ROBO2: variants seen among roughly 807,000 people sequenced by gnomAD.
ROBO2 encodes roundabout guidance receptor 2.
In ROBO2, 53 loss-of-function variants were observed where a neutral mutation model predicts 160.8. The observed-to-expected ratio is 0.33, with a 90% CI of 0.26 to 0.41. The LOEUF is 0.41. Ranked by LOEUF, ROBO2 falls within the 10% of genes least tolerant of loss-of-function variation. The pLI, the probability that ROBO2 is intolerant of heterozygous loss-of-function variation, is 1.00. For missense variants in ROBO2, 1,577 were observed against 1,722.4 expected, an observed-to-expected ratio of 0.92 and a Z score of 1.49; for synonymous variants, 664 against 611.7, an observed-to-expected ratio of 1.09 and a Z score of -1.26.
intron 2 of ROBO2, among the ~76,000 whole-genome samples, chr3:77,379,645 C>A (rs1014196639): frequency 6.6e-6 from 1 of 152,106 alleles, no homozygotes; most frequent in African/African-American, 2.4e-5. Flanking sequence ...GACGTTTATC[C>A]TTTGTCCCCA....
intron 2 of ROBO2, among the ~76,000 whole-genome samples, chr3:76,167,400 C>A (rs17787889): frequency 6.6e-6 from 1 of 152,152 alleles, no homozygotes; most frequent in African/African-American, 2.4e-5. Flanking sequence ...AGAAGAGGAA[C>A]CAGCCGTTCT....
At chr3:76,536,879 A>G (rs1378750059) in intron 2 of ROBO2, among the ~76,000 whole-genome samples, 2 of 152,136 alleles carry the variant, frequency 1.3e-5, no homozygotes, top group African/African-American at 4.8e-5. Flanking sequence ...TCTGATAGAG[A>G]CAAAGGTACA....
chr3:77,196,136 C>T (rs866683809), intron 2 of ROBO2, among the ~76,000 whole-genome samples: 5 of 152,300 alleles, frequency 3.3e-5, no homozygotes, highest in Middle Eastern at 6.8e-3. Context: ...CAGCAGTAGA[C>T]AGCTAATAGG....
chr3:77,441,786 T>C, intron 2 of ROBO2, among the ~76,000 whole-genome samples: 1 of 152,158 alleles, frequency 6.6e-6, no homozygotes, highest in Non-Finnish European at 1.5e-5. Context: ...TTTGGTGAAT[T>C]AGCTTAAAAT....
intron 2 of ROBO2, among the ~76,000 whole-genome samples, chr3:75,972,873 T>G (rs1465962115): frequency 1.1e-4 from 17 of 151,630 alleles, no homozygotes; most frequent in African/African-American, 7.3e-5. Context: ...GGTAGCCCGT[T>G]AAGTGTGGCT....
intron 2 of ROBO2, among the ~76,000 whole-genome samples, chr3:76,523,818 G>A (rs971069754): frequency 6.6e-6 from 1 of 152,128 alleles, no homozygotes; most frequent in Non-Finnish European, 1.5e-5. Context: ...GGAAGAGGCT[G>A]AAAATATAAG....
chr3:75,950,487 G>A (rs1948492244), intron 2 of ROBO2, among the ~76,000 whole-genome samples: 1 of 152,074 alleles, frequency 6.6e-6, no homozygotes, highest in African/African-American at 2.4e-5. Context: ...TTCTAGGCAG[G>A]CGAAGAGTAT....
At chr3:76,216,908 A>C (rs1703576477) in intron 2 of ROBO2, among the ~76,000 whole-genome samples, 1 of 152,182 alleles carries the variant, frequency 6.6e-6, no homozygotes, top group Non-Finnish European at 1.5e-5. Flanking sequence ...ACATAGTTGG[A>C]AGTAAAGCTC....
intron 2 of ROBO2, among the ~76,000 whole-genome samples, chr3:76,435,594 T>C (rs957917219): frequency 6.6e-6 from 1 of 152,062 alleles, no homozygotes. Flanking sequence ...GGCTGAAATT[T>C]GGGGTGGGAT....
chr3:76,742,141 T>A (rs1472356070), intron 2 of ROBO2, among the ~76,000 whole-genome samples: 2 of 152,096 alleles, frequency 1.3e-5, no homozygotes, highest in Admixed American at 1.3e-4. Flanking sequence ...TTCCTGACAA[T>A]GATCAAACAA....
chr3:77,462,259 A>G (rs1159317014), intron 2 of ROBO2, among the ~76,000 whole-genome samples: 1 of 152,190 alleles, frequency 6.6e-6, no homozygotes, highest in Non-Finnish European at 1.5e-5. Context: ...CCTAAGTCTC[A>G]AATCAAAAGG....
chr3:77,157,927 A>G (rs1028091897), intron 2 of ROBO2, among the ~76,000 whole-genome samples: 1 of 152,062 alleles, frequency 6.6e-6, no homozygotes, highest in African/African-American at 2.4e-5. Flanking sequence ...TACGGCCCTG[A>G]TTGTCCCTTC....
chr3:76,899,533 TTTC>T (rs1169475423), intron 2 of ROBO2, among the ~76,000 whole-genome samples: 2 of 152,220 alleles, frequency 1.3e-5, no homozygotes, highest in Non-Finnish European at 2.9e-5. Flanking sequence ...TTTTATTCAA[TTTC>T]TTCAATAGCC....
chr3:77,211,192 T>G (rs566452857), intron 2 of ROBO2, among the ~76,000 whole-genome samples: 32 of 152,334 alleles, frequency 2.1e-4, no homozygotes, highest in Middle Eastern at 3.4e-3. Context: ...TGAACTAGTT[T>G]ACAGTCCCAC....
intron 2 of ROBO2, among the ~76,000 whole-genome samples, chr3:76,798,000 C>A (rs1172057485): frequency 6.6e-6 from 1 of 151,102 alleles, no homozygotes; most frequent in African/African-American, 2.4e-5. Flanking sequence ...ATACCAAATC[C>A]TACCCAAATT....
chr3:77,324,681 C>G (rs2065180453), intron 2 of ROBO2, among the ~76,000 whole-genome samples: 1 of 150,406 alleles, frequency 6.6e-6, no homozygotes, highest in Middle Eastern at 3.4e-3. Flanking sequence ...ACTCGGGAGG[C>G]TGAGGCAGGA....
intron 2 of ROBO2, among the ~76,000 whole-genome samples, chr3:76,014,805 G>A (rs2066358299): frequency 6.6e-6 from 1 of 152,196 alleles, no homozygotes; most frequent in African/African-American, 2.4e-5. Context: ...GCACGTGCGT[G>A]TAGTCCCACC....
At position 76,863,671 on chromosome 3, in the gene ROBO2, C is replaced by T. The variant is rs74887511; in HGVS notation, c.110-234343C>T. Among the ~76,000 whole-genome samples the T allele has an allele frequency of 7.6e-3, 1,154 of 151,878 alleles. 12 individuals are homozygous for T. Among genetic ancestry groups the T allele is most frequent in the African/African-American group, 0.027 (1,122 of 41,432 alleles). ...TGGGGCATACCTGTTTATCTTAGCA[C>T]GGATATGCCAAAGGAGTAGGTTCTT... On this transcript the variant is annotated intron_variant, in intron 2 of 26. Transcript: ENST00000487694.
At chr3:77,432,634 A>G (rs1015645283) in intron 2 of ROBO2, among the ~76,000 whole-genome samples, 2 of 152,164 alleles carry the variant, frequency 1.3e-5, no homozygotes, top group Non-Finnish European at 2.9e-5. Flanking sequence ...TGGGGCCACA[A>G]TGACAAGACT....
Sources: allele counts gnomAD v4.1 joint callset (sites outside exome capture counted in the v4.1 genomes callset), GRCh38; gene constraint gnomAD v4.1.1; transcripts MANE v1.5; gene names NCBI Gene and HGNC (gene_info 2026-07-23, HGNC 2026-07-21).